AGAP1: variants seen among roughly 807,000 people sequenced by gnomAD.
AGAP1 encodes the protein ArfGAP with GTPase domain, ankyrin repeat and PH domain 1.
Under a neutral mutation model 105.3 loss-of-function variants are expected in AGAP1, and 29 were observed. The ratio of observed to expected loss-of-function variants is 0.28; its 90% CI spans 0.21 to 0.38. The LOEUF is 0.38. AGAP1 is among the 10% of genes least tolerant of loss of function. The pLI, the probability that AGAP1 is intolerant of heterozygous loss-of-function variation, is 1.00. For synonymous variants in AGAP1, 509 were observed against 485.9 expected (o/e 1.05, Z -0.63); for missense variants, 998 against 1,165.1 (o/e 0.86, Z 2.09).
rs1944810663 is a variant in AGAP1, at chr2:235,578,455, G to C, written c.163+83606G>C. Among the ~76,000 whole-genome samples, 1 of 152,134 alleles carries C rather than the reference G, an allele frequency of 6.6e-6. No homozygotes were observed. The highest frequency in any genetic ancestry group is 1.5e-5 in the Non-Finnish European group (1 of 68,036). On this transcript the variant is annotated intron_variant, in intron 1 of 17. Coordinates refer to ENST00000304032, the MANE Select transcript of AGAP1 (RefSeq NM_001037131.3). The surrounding 1 kb of genome is among the most constrained non-coding windows in gnomAD (Gnocchi z 4.9). Reference sequence around the variant, plus strand: ...CCACTGAGCTGCACACTTAAAAGTGGGTAGAATGATGCATTTTGTGTGTAT... The same window carrying C: ...CCACTGAGCTGCACACTTAAAAGTGCGTAGAATGATGCATTTTGTGTGTAT...
chr2:235,884,581 G>A (rs1310937081), intron 10 of AGAP1, among the ~76,000 whole-genome samples: 1 of 150,712 alleles, frequency 6.6e-6, no homozygotes, highest in Non-Finnish European at 1.5e-5. Context: ...CTCCCAAATA[G>A]CTGGAATTAC....
intron 9 of AGAP1, among the ~76,000 whole-genome samples, chr2:235,873,753 GGT>G (rs1355225436): frequency 2.0e-5 from 3 of 152,192 alleles, no homozygotes; most frequent in Admixed American, 2.0e-4. Flanking sequence ...TTTGAGACGA[GGT>G]CTTACTTTGT....
chr2:236,072,148 T>A (rs1391161730), intron 16 of AGAP1: 2 of 131,424 alleles, frequency 1.5e-5, no homozygotes, highest in Non-Finnish European at 3.4e-5. Context: ...TTTTTTTTTT[T>A]AGAGATAAGG....
At chr2:236,088,715 A>C (rs751899923) in intron 16 of AGAP1, among the ~76,000 whole-genome samples, 10 of 152,230 alleles carry the variant, frequency 6.6e-5, no homozygotes, top group Non-Finnish European at 1.3e-4. Context: ...TAGTAAAACC[A>C]TAGATTCTCT....
chr2:236,121,845 A>G lies in AGAP1; in HGVS notation c.2370+1398A>G, dbSNP rs1035095813. On this transcript the variant is annotated intron_variant, in intron 17 of 17. Transcript: ENST00000304032. The surrounding 1 kb of genome is among the most constrained non-coding windows in gnomAD (Gnocchi z 4.9). The stretch of plus-strand genomic sequence containing the variant: ...AGTACAAGATCAAAGGGCCAGCAGG[A>G]ATGGTTCCTGGCGAGGCCTCTCTCA... Among the ~76,000 whole-genome samples, 9 of 152,176 alleles carry G rather than the reference A, an allele frequency of 5.9e-5. No homozygotes were observed. The highest frequency in any genetic ancestry group is 7.3e-5 in the Non-Finnish European group (5 of 68,030).
intron 8 of AGAP1, among the ~76,000 whole-genome samples, chr2:235,803,148 A>ATGGTTGTGATGGTGGTGATGATGGTTG (rs1957662036): frequency 1.6e-5 from 1 of 60,822 alleles, no homozygotes. Context: ...GGTGATGGTC[A>ATGGTTGTGATGGTGGTGATGATGGTTG]TGATGGTGAT....
rs1943952627 is a variant in AGAP1, at chr2:235,555,731, A to G, written c.163+60882A>G. The stretch of plus-strand genomic sequence containing the variant: ...AGTCTCCTTCTGTGATTCAGACCGT[A>G]GTGAAGCCCTGGTTGGCTGAAGTGC... On this transcript the variant is annotated intron_variant, in intron 1 of 17. Coordinates refer to ENST00000304032, the MANE Select transcript of AGAP1 (RefSeq NM_001037131.3). This position sits in a 1 kb window ranked among gnomAD's most constrained non-coding sequence, Gnocchi z 5.1. Among the ~76,000 whole-genome samples the G allele has an allele frequency of 6.6e-6, 1 of 152,196 alleles. No homozygotes were observed. The highest frequency in any genetic ancestry group is 6.5e-5 in the Admixed American group (1 of 15,286).
intron 1 of AGAP1, among the ~76,000 whole-genome samples, chr2:235,496,763 GA>G (rs10701236): frequency 0.2 from 29,682 of 150,542 alleles, 3,144 homozygotes; most frequent in African/African-American, 0.28. Flanking sequence ...TCCCTTAAAA[GA>G]AAAAAAAAAT....
rs572190932 is a variant in AGAP1 at position 235,971,409 on chromosome 2, A to C, written c.1645+2786A>C. Among the ~76,000 whole-genome samples, 1 of 152,252 alleles carries C rather than the reference A, an allele frequency of 6.6e-6. No homozygotes were observed. Among genetic ancestry groups the C allele is most frequent in the Non-Finnish European group, 1.5e-5 (1 of 68,048 alleles). On this transcript the variant is annotated intron_variant, in intron 13 of 17. Transcript: ENST00000304032. The surrounding 1 kb of genome is among the most constrained non-coding windows in gnomAD (Gnocchi z 4.8). ...ATTGTGTAAAACACCCAAATTAAACATTCTGTTCTGGCCGGGCACAGTGGC... is the reference window on the plus strand; with the variant it reads ...ATTGTGTAAAACACCCAAATTAAACCTTCTGTTCTGGCCGGGCACAGTGGC...
chr2:235,549,424 C>T lies in AGAP1; in HGVS notation c.163+54575C>T, dbSNP rs1943731129. ...GCTCCCCCAGCTACTTGGAGAGATG[C>T]TGTTGAGGTTGGGAGGCAATGCAGG... On this transcript the variant is annotated intron_variant, in intron 1 of 17. Transcript: ENST00000304032. The surrounding 1 kb of genome is among the most constrained non-coding windows in gnomAD (Gnocchi z 4.2). Among the ~76,000 whole-genome samples the T allele has an allele frequency of 6.6e-6, 1 of 152,130 alleles. No individual in the cohort carries two copies. The highest frequency in any genetic ancestry group is 2.4e-5 in the African/African-American group (1 of 41,440).
intron 1 of AGAP1, among the ~76,000 whole-genome samples, chr2:235,647,206 A>G (rs1018426302): frequency 6.6e-6 from 1 of 152,152 alleles, no homozygotes; most frequent in African/African-American, 2.4e-5. Context: ...TGCTTTTTAA[A>G]GGTTCCAGTC....
chr2:235,653,203 T>C lies in AGAP1; in HGVS notation c.164-55976T>C, dbSNP rs374789147. Reference sequence around the variant, plus strand: ...CATTCCGGCCGGGCGCAGTGGCTCATGCCTGTAATCCCAGCACTTTGGGAG... The same window carrying C: ...CATTCCGGCCGGGCGCAGTGGCTCACGCCTGTAATCCCAGCACTTTGGGAG... On this transcript the variant is annotated intron_variant, in intron 1 of 17. Coordinates refer to ENST00000304032, the MANE Select transcript of AGAP1 (RefSeq NM_001037131.3). Among the ~76,000 whole-genome samples the C allele has an allele frequency of 1.8e-3, 278 of 152,104 alleles. 1 individual carries two copies. The highest frequency in any genetic ancestry group is 8.0e-3 in the East Asian group (41 of 5,122).
intron 13 of AGAP1, among the ~76,000 whole-genome samples, chr2:236,034,747 C>T (rs547642850): frequency 7.9e-5 from 12 of 152,322 alleles, no homozygotes; most frequent in South Asian, 6.2e-4. Context: ...GCCTCAGGCC[C>T]GACCTCCACT....
chr2:235,798,174 T>G (rs963658888), intron 7 of AGAP1, among the ~76,000 whole-genome samples: 6 of 152,182 alleles, frequency 3.9e-5, no homozygotes, highest in African/African-American at 1.4e-4. Context: ...TAAACCACCC[T>G]TCTCTGGTCT....
chr2:235,509,567 T>C (rs1941983687), intron 1 of AGAP1, among the ~76,000 whole-genome samples: 1 of 152,084 alleles, frequency 6.6e-6, no homozygotes, highest in Non-Finnish European at 1.5e-5. Context: ...ACTCCAACTC[T>C]TGAAAGTTTA....
chr2:235,587,121 A>G (rs1945137270), intron 1 of AGAP1, among the ~76,000 whole-genome samples: 1 of 152,214 alleles, frequency 6.6e-6, no homozygotes, highest in Admixed American at 6.5e-5. Flanking sequence ...AGAAGGTATT[A>G]CCCAAACAGA....
chr2:235,980,410 A>G (rs1457317649), intron 13 of AGAP1, among the ~76,000 whole-genome samples: 2 of 152,196 alleles, frequency 1.3e-5, no homozygotes, highest in Non-Finnish European at 2.9e-5. Flanking sequence ...AAAAATGGAC[A>G]TATTAGCCAT....
At chr2:235,898,210 T>C (rs2050898360) in intron 10 of AGAP1, among the ~76,000 whole-genome samples, 1 of 152,236 alleles carries the variant, frequency 6.6e-6, no homozygotes, top group Non-Finnish European at 1.5e-5. Context: ...GCTTTAAAAT[T>C]AGTGTAGCTT....
At chr2:236,075,136 A>G (rs1413824915) in intron 16 of AGAP1, among the ~76,000 whole-genome samples, 1 of 152,182 alleles carries the variant, frequency 6.6e-6, no homozygotes. Flanking sequence ...GTCTGTAGAG[A>G]TAGAAGGAGA....
Sources: gnomAD v4.1 joint callset for allele counts (sites outside exome capture counted in the v4.1 genomes callset) on GRCh38, gnomAD v4.1.1 for gene constraint, Gnocchi (gnomAD v3.1) non-coding constraint, MANE v1.5 for transcripts, NCBI Gene and HGNC (gene_info 2026-07-23, HGNC 2026-07-21) for gene names.